Variants in FHIT observed in about 807,000 individuals in gnomAD.
The protein encoded by FHIT is fragile histidine triad diadenosine triphosphatase.
In FHIT, 19 loss-of-function variants were observed where a neutral mutation model predicts 17.9. The observed-to-expected ratio is 1.06, with a 90% confidence interval of 0.74 to 1.56. The LOEUF (loss-of-function observed/expected upper bound fraction) is 1.56, where lower values mean the gene tolerates loss of function less well. Ranked by LOEUF, FHIT falls within the 40% of genes most tolerant of loss-of-function variation. The pLI, the probability that FHIT is intolerant of heterozygous loss-of-function variation, is 0.00. For missense variants in FHIT, 248 were observed against 189.2 expected (o/e 1.31, Z -1.82); for synonymous variants, 81 against 69.7 (o/e 1.16, Z -0.81).
chr3:61,092,901 C>T (rs1305094508), intron 2 of FHIT, among the ~76,000 whole-genome samples: 1 of 152,062 alleles, frequency 6.6e-6, no homozygotes, highest in Non-Finnish European at 1.5e-5. Flanking sequence ...AATTTTCTTC[C>T]AGCTTACTAG....
intron 2 of FHIT, among the ~76,000 whole-genome samples, chr3:61,064,426 T>C (rs973999054): frequency 1.3e-5 from 2 of 152,164 alleles, no homozygotes; most frequent in African/African-American, 4.8e-5. Context: ...TGGATCCTTG[T>C]TTAGCAGCCA....
chr3:60,966,753 A>C (rs1709763805), intron 3 of FHIT, among the ~76,000 whole-genome samples: 1 of 152,230 alleles, frequency 6.6e-6, no homozygotes, highest in Non-Finnish European at 1.5e-5. Context: ...CAAGGATGAT[A>C]ATTTAAACTG....
At chr3:59,806,608 C>CAT (rs59917872) in intron 8 of FHIT, among the ~76,000 whole-genome samples, 4 of 149,100 alleles carry the variant, frequency 2.7e-5, no homozygotes, top group South Asian at 4.2e-4. Context: ...TTGAGCAAAT[C>CAT]ATATATATAT....
chr3:60,482,327 C>A (rs404404), intron 5 of FHIT, among the ~76,000 whole-genome samples: 3 of 151,882 alleles, frequency 2.0e-5, no homozygotes, highest in Admixed American at 1.3e-4. Flanking sequence ...CTGGATCAAG[C>A]GGACCTAATA....
intron 8 of FHIT, among the ~76,000 whole-genome samples, chr3:59,813,159 AT>A (rs1559628353): frequency 6.6e-6 from 1 of 152,204 alleles, no homozygotes; most frequent in Non-Finnish European, 1.5e-5. Flanking sequence ...TATTTCATTA[AT>A]GAAATGTTTA....
At chr3:60,391,682 A>G (rs896202953) in intron 5 of FHIT, among the ~76,000 whole-genome samples, 1 of 152,226 alleles carries the variant, frequency 6.6e-6, no homozygotes, top group African/African-American at 2.4e-5. Flanking sequence ...AGGTATGTAT[A>G]GCCTACATGT....
intron 8 of FHIT, among the ~76,000 whole-genome samples, chr3:59,880,335 C>A (rs17061316): frequency 0.068 from 10,302 of 152,180 alleles, 1,136 homozygotes; most frequent in African/African-American, 0.23. Context: ...TTAAATCTTC[C>A]CCAAGGAACC....
At chr3:60,934,859 G>A (rs1180602664) in intron 3 of FHIT, among the ~76,000 whole-genome samples, 4 of 152,166 alleles carry the variant, frequency 2.6e-5, no homozygotes, top group African/African-American at 9.7e-5. Context: ...AAAGAATAGG[G>A]AAGCACAAAG....
At chr3:60,165,150 G>C (rs1463028840) in intron 5 of FHIT, among the ~76,000 whole-genome samples, 2 of 152,176 alleles carry the variant, frequency 1.3e-5, no homozygotes, top group African/African-American at 4.8e-5. Context: ...ACAGCAGGCT[G>C]TGAGCTCAGT....
chr3:60,437,481 G>GCCCGC (rs2030376990), intron 5 of FHIT, among the ~76,000 whole-genome samples: 1 of 152,002 alleles, frequency 6.6e-6, no homozygotes, highest in Non-Finnish European at 1.5e-5. Context: ...CCTGCTCTAT[G>GCCCGC]CCCGCCATGA....
At chr3:60,122,706 T>A (rs998381654) in intron 5 of FHIT, among the ~76,000 whole-genome samples, 2 of 152,178 alleles carry the variant, frequency 1.3e-5, no homozygotes, top group Non-Finnish European at 2.9e-5. Context: ...GAGTTTGGAA[T>A]GTTGACTTAA....
chr3:60,540,470 C>T lies in FHIT; in HGVS notation c.-17-3491G>A, dbSNP rs145182394. Among the ~76,000 whole-genome samples, 16 of 152,264 alleles carry T rather than the reference C, an allele frequency of 1.1e-4. No individual in the cohort carries two copies. The East Asian group carries it at 1.5e-3, about 15-fold the overall frequency. On this transcript the variant is annotated intron_variant, in intron 4 of 9. Transcript: ENST00000492590. ...CAGTCTCATGGCATTGAGCCCTCAA[C>T]CTGTGGAATCTGAGGCTATCTCCAG...
chr3:61,007,296 C>T (rs1350889427), intron 3 of FHIT, among the ~76,000 whole-genome samples: 2 of 152,204 alleles, frequency 1.3e-5, no homozygotes, highest in African/African-American at 4.8e-5. Flanking sequence ...AGCCCCCAGA[C>T]ACTCTGCATA....
intron 2 of FHIT, among the ~76,000 whole-genome samples, chr3:61,043,788 G>T (rs540230387): frequency 6.6e-6 from 1 of 152,326 alleles, no homozygotes; most frequent in South Asian, 2.1e-4. Flanking sequence ...GCTTTCAGAG[G>T]AAGGATCAGG....
chr3:60,479,592 C>A (rs529715924), intron 5 of FHIT, among the ~76,000 whole-genome samples: 1 of 152,308 alleles, frequency 6.6e-6, no homozygotes, highest in East Asian at 1.9e-4. Flanking sequence ...TTAGGTACAG[C>A]AGGGGTCCCC....
intron 3 of FHIT, among the ~76,000 whole-genome samples, chr3:60,921,365 A>G (rs181465773): frequency 6.6e-6 from 1 of 152,304 alleles, no homozygotes; most frequent in African/African-American, 2.4e-5. Flanking sequence ...TTTATTGTAA[A>G]TAAGGCTGGG....
chr3:59,877,064 T>C (rs1340897846), intron 8 of FHIT, among the ~76,000 whole-genome samples: 1 of 152,206 alleles, frequency 6.6e-6, no homozygotes, highest in Non-Finnish European at 1.5e-5. Context: ...TGTGTGACCA[T>C]GAAGTGTGCT....
intron 3 of FHIT, among the ~76,000 whole-genome samples, chr3:60,914,693 C>T (rs1022855871): frequency 6.6e-6 from 1 of 152,130 alleles, no homozygotes; most frequent in African/African-American, 2.4e-5. Context: ...TTTACTTCTC[C>T]CTTTAGATAT....
intron 3 of FHIT, among the ~76,000 whole-genome samples, chr3:60,969,060 G>A (rs1201261818): frequency 2.0e-5 from 3 of 151,768 alleles, no homozygotes; most frequent in Non-Finnish European, 4.4e-5. Flanking sequence ...TCATCTTTGG[G>A]GTCAAGGTTA....
Sources: allele counts gnomAD v4.1 joint callset (sites outside exome capture counted in the v4.1 genomes callset), GRCh38; gene constraint gnomAD v4.1.1; transcripts MANE v1.5; gene names NCBI Gene and HGNC (gene_info 2026-07-23, HGNC 2026-07-21).